RAD51B: variants seen among roughly 807,000 people sequenced by gnomAD.
The protein encoded by RAD51B is DNA repair protein RAD51 homolog 2.
In RAD51B, 38 loss-of-function variants were observed where a neutral mutation model predicts 42.2. That is an observed-to-expected ratio of 0.90 (90% CI 0.70 to 1.18). The LOEUF (loss-of-function observed/expected upper bound fraction) is 1.18, where lower values mean the gene tolerates loss of function less well. Ranked by LOEUF, RAD51B falls within the 50% of genes most tolerant of loss-of-function variation. The pLI, the probability that RAD51B is intolerant of heterozygous loss-of-function variation, is 0.00. For missense variants in RAD51B, 373 were observed against 400.7 expected (o/e 0.93, Z 0.59); for synonymous variants, 154 against 145.2 (o/e 1.06, Z -0.43).
At chr14:68,395,675 G>A (rs1049020353) in intron 8 of RAD51B, among the ~76,000 whole-genome samples, 5 of 152,072 alleles carry the variant, frequency 3.3e-5, no homozygotes, top group Non-Finnish European at 4.4e-5. Flanking sequence ...CCTTTGTCTT[G>A]GACAGAGCCA....
intron 7 of RAD51B, among the ~76,000 whole-genome samples, chr14:68,032,659 T>C (rs1404716873): frequency 6.6e-6 from 1 of 152,198 alleles, no homozygotes; most frequent in African/African-American, 2.4e-5. Flanking sequence ...CACACAGTAT[T>C]GTGACAATAG....
intron 7 of RAD51B, among the ~76,000 whole-genome samples, chr14:68,219,796 A>G (rs2079889361): frequency 6.6e-6 from 1 of 152,174 alleles, no homozygotes; most frequent in South Asian, 2.1e-4. Context: ...CCCCCAAAAG[A>G]TCATACTGGC....
At chr14:68,050,601 C>G (rs974550001) in intron 7 of RAD51B, among the ~76,000 whole-genome samples, 1 of 152,158 alleles carries the variant, frequency 6.6e-6, no homozygotes, top group African/African-American at 2.4e-5. Context: ...TATTCACACG[C>G]ATGTGTGTGT....
chr14:67,993,168 ACAT>A (rs1228863121), intron 7 of RAD51B, among the ~76,000 whole-genome samples: 6 of 152,188 alleles, frequency 3.9e-5, no homozygotes, highest in Admixed American at 3.9e-4. Flanking sequence ...TGTAATAATC[ACAT>A]CAGGGTAATC....
chr14:68,266,938 C>T (rs1242583780), intron 7 of RAD51B, among the ~76,000 whole-genome samples: 1 of 152,182 alleles, frequency 6.6e-6, no homozygotes, highest in African/African-American at 2.4e-5. Context: ...TTATGTAGTT[C>T]TATACATTAC....
chr14:68,123,963 G>T (rs150137523), intron 7 of RAD51B, among the ~76,000 whole-genome samples: 12 of 152,280 alleles, frequency 7.9e-5, no homozygotes, highest in Middle Eastern at 3.4e-3. Flanking sequence ...TTGACTCTGT[G>T]TTTCTTCAGG....
chr14:68,112,028 A>G (rs560778380), intron 7 of RAD51B, among the ~76,000 whole-genome samples: 2 of 152,068 alleles, frequency 1.3e-5, no homozygotes, highest in East Asian at 3.9e-4. Flanking sequence ...GCTAGCTCAT[A>G]ATAGGATCTC....
chr14:68,111,988 T>C (rs1047232789), intron 7 of RAD51B, among the ~76,000 whole-genome samples: 1 of 152,072 alleles, frequency 6.6e-6, no homozygotes, highest in Non-Finnish European at 1.5e-5. Flanking sequence ...AAAAGCTTTA[T>C]TCTGCAATCT....
intron 9 of RAD51B, among the ~76,000 whole-genome samples, chr14:68,461,048 T>A (rs887049838): frequency 6.6e-6 from 1 of 152,026 alleles, no homozygotes; most frequent in African/African-American, 2.4e-5. Flanking sequence ...ACAACAAGAA[T>A]GGGTCAAATA....
At chr14:68,372,675 G>A (rs2083287919) in intron 8 of RAD51B, among the ~76,000 whole-genome samples, 1 of 152,136 alleles carries the variant, frequency 6.6e-6, no homozygotes, top group Non-Finnish European at 1.5e-5. Flanking sequence ...AGAAAGTTCT[G>A]TTTGGCTCTT....
chr14:68,385,226 C>G (rs887343590), intron 8 of RAD51B, among the ~76,000 whole-genome samples: 2 of 152,168 alleles, frequency 1.3e-5, no homozygotes, highest in African/African-American at 4.8e-5. Flanking sequence ...CATGCCAGGC[C>G]TGCCACCCTC....
intron 7 of RAD51B, among the ~76,000 whole-genome samples, chr14:68,283,430 T>C (rs889200603): frequency 6.6e-6 from 1 of 152,222 alleles, no homozygotes; most frequent in Non-Finnish European, 1.5e-5. Flanking sequence ...CATCTGACCA[T>C]TGGCCTTGTT....
intron 7 of RAD51B, among the ~76,000 whole-genome samples, chr14:68,070,631 G>T (rs573783138): frequency 2.0e-5 from 3 of 152,210 alleles, no homozygotes; most frequent in East Asian, 1.9e-4. Flanking sequence ...TGTTCCATTT[G>T]CCTGTGTGTC....
intron 7 of RAD51B, among the ~76,000 whole-genome samples, chr14:68,260,680 A>T (rs1344828201): frequency 1.3e-5 from 2 of 152,088 alleles, no homozygotes; most frequent in African/African-American, 4.8e-5. Context: ...CACCTGTCTC[A>T]TGAGGGTCTT....
At chr14:68,306,006 G>A (rs73272225) in intron 8 of RAD51B, among the ~76,000 whole-genome samples, 4,538 of 152,262 alleles carry the variant, frequency 0.03, 236 homozygotes, top group African/African-American at 0.1. Context: ...TGGAAGGGCC[G>A]TGTTGGGGAA....
chr14:68,293,010 C>T (rs1248731833), intron 8 of RAD51B, among the ~76,000 whole-genome samples: 2 of 152,172 alleles, frequency 1.3e-5, no homozygotes, highest in East Asian at 3.9e-4. Context: ...CTTCTTTCCG[C>T]ATGTATCTTT....
chr14:68,075,546 G>A (rs1479183214), intron 7 of RAD51B, among the ~76,000 whole-genome samples: 3 of 152,132 alleles, frequency 2.0e-5, no homozygotes, highest in East Asian at 1.9e-4. Context: ...TGGTGGCTGC[G>A]GTGTGCTGGA....
At chr14:68,450,493 A>G (rs2140184775) in intron 9 of RAD51B, among the ~76,000 whole-genome samples, 1 of 152,278 alleles carries the variant, frequency 6.6e-6, no homozygotes, top group South Asian at 2.1e-4. Flanking sequence ...TGCTGGGATT[A>G]TAGGCGTGAA....
intron 7 of RAD51B, among the ~76,000 whole-genome samples, chr14:68,056,422 TACAGGTG>T (rs1016703273): frequency 2.0e-5 from 3 of 151,918 alleles, no homozygotes; most frequent in Admixed American, 6.5e-5. Context: ...GTGCTGGGAT[TACAGGTG>T]TGAGCCACCA....
Sources: allele counts gnomAD v4.1 joint callset (sites outside exome capture counted in the v4.1 genomes callset), GRCh38; gene constraint gnomAD v4.1.1; transcripts MANE v1.5; gene names NCBI Gene and HGNC (gene_info 2026-07-23, HGNC 2026-07-21).